The following SLC35F1 variants were observed in gnomAD, a reference collection of about 807,000 sequenced individuals.
SLC35F1 encodes solute carrier family 35 member F1.
A neutral mutation model predicts 48.7 loss-of-function variants in SLC35F1; 14 were observed. The observed-to-expected ratio is 0.29, with a 90% CI of 0.19 to 0.45. SLC35F1 has a LOEUF of 0.45. Among genes scored for constraint, SLC35F1 ranks in the 20% least tolerant of loss-of-function variants. The pLI is 1.00. For synonymous variants in SLC35F1, 190 were observed against 202.2 expected, an observed-to-expected ratio of 0.94 and a Z score of 0.51; for missense variants, 404 against 500.0, an observed-to-expected ratio of 0.81 and a Z score of 1.83.
intron 1 of SLC35F1, among the ~76,000 whole-genome samples, chr6:117,923,763 G>GTACATATATA (rs1775969946): frequency 0.25 from 4,411 of 17,958 alleles, 1,308 homozygotes; most frequent in African/African-American, 0.43. Flanking sequence ...ATATACATAT[G>GTACATATATA]CACATACATA....
intron 4 of SLC35F1, among the ~76,000 whole-genome samples, chr6:118,274,909 T>G (rs563512398): frequency 6.6e-6 from 1 of 152,336 alleles, no homozygotes; most frequent in South Asian, 2.1e-4. Flanking sequence ...CCTCCCTGAA[T>G]AGCAGAGGGT....
intron 1 of SLC35F1, among the ~76,000 whole-genome samples, chr6:118,072,560 C>G (rs1012716631): frequency 3.3e-5 from 5 of 151,516 alleles, no homozygotes; most frequent in Admixed American, 3.3e-4. Context: ...TGAGATTCTG[C>G]CTCAAAAAAA....
intron 1 of SLC35F1, among the ~76,000 whole-genome samples, chr6:118,066,495 A>C (rs2114285115): frequency 6.6e-6 from 1 of 152,284 alleles, no homozygotes; most frequent in Admixed American, 6.5e-5. Context: ...ATCCTTCCCT[A>C]GTTGAGCCTC....
intron 1 of SLC35F1, among the ~76,000 whole-genome samples, chr6:117,918,897 A>C (rs1775861484): frequency 6.6e-6 from 1 of 151,878 alleles, no homozygotes; most frequent in Non-Finnish European, 1.5e-5. Flanking sequence ...ATAATTTTAA[A>C]ATAATTTTTT....
chr6:118,084,525 T>A (rs1772956723), intron 1 of SLC35F1, among the ~76,000 whole-genome samples: 1 of 152,166 alleles, frequency 6.6e-6, no homozygotes, highest in Non-Finnish European at 1.5e-5. Context: ...ATTATTTGCC[T>A]ACAAATGCTT....
chr6:118,087,725 T>C (rs1412365617), intron 1 of SLC35F1, among the ~76,000 whole-genome samples: 1 of 152,112 alleles, frequency 6.6e-6, no homozygotes, highest in Non-Finnish European at 1.5e-5. Context: ...AAAGCTCAAC[T>C]CAGATACCAC....
At chr6:118,086,728 C>T (rs1772996591) in intron 1 of SLC35F1, among the ~76,000 whole-genome samples, 1 of 152,200 alleles carries the variant, frequency 6.6e-6, no homozygotes, top group African/African-American at 2.4e-5. Flanking sequence ...TTTCCTCTTA[C>T]TGAGGTTTCT....
intron 2 of SLC35F1, among the ~76,000 whole-genome samples, chr6:118,175,824 A>T (rs1170832081): frequency 1.3e-5 from 2 of 152,134 alleles, no homozygotes. Context: ...CTTCTGCTCC[A>T]CTTGAGAAAG....
chr6:118,294,067 AGGTG>A (rs536094355), intron 7 of SLC35F1, among the ~76,000 whole-genome samples: 720 of 152,334 alleles, frequency 4.7e-3, no homozygotes, highest in Non-Finnish European at 7.4e-3. Context: ...AATGTATAAA[AGGTG>A]ACCAGCAGTG....
chr6:118,277,659 C>A (rs1056104913), intron 6 of SLC35F1, 113 bp downstream of exon 6: 2 of 883,024 alleles, frequency 2.3e-6, no homozygotes, highest in Non-Finnish European at 3.8e-6. Context: ...TGGTAGGGGA[C>A]AAGGGAAAAT....
chr6:118,126,853 G>C (rs1244514888), intron 1 of SLC35F1, among the ~76,000 whole-genome samples: 1 of 151,844 alleles, frequency 6.6e-6, no homozygotes, highest in South Asian at 2.1e-4. Flanking sequence ...CTTTGCTGAA[G>C]TTGATTATCA....
At chr6:118,052,642 G>C (rs755592940) in intron 1 of SLC35F1, among the ~76,000 whole-genome samples, 4 of 151,944 alleles carry the variant, frequency 2.6e-5, no homozygotes, top group Admixed American at 1.3e-4. Flanking sequence ...AAAGTTTAAG[G>C]AAAAAGTGTG....
intron 2 of SLC35F1, among the ~76,000 whole-genome samples, chr6:118,156,776 A>C (rs1774150864): frequency 1.3e-5 from 2 of 152,136 alleles, no homozygotes; most frequent in Admixed American, 1.3e-4. Flanking sequence ...TGGATTTAAA[A>C]ATTTTCTGAA....
At chr6:118,273,833 C>T (rs1275463394) in intron 4 of SLC35F1, among the ~76,000 whole-genome samples, 8 of 152,322 alleles carry the variant, frequency 5.3e-5, no homozygotes, top group South Asian at 2.1e-4. Flanking sequence ...CCATTCTCAG[C>T]TCCATTCCCT....
chr6:118,069,242 G>T (rs1035003486), intron 1 of SLC35F1, among the ~76,000 whole-genome samples: 26 of 152,088 alleles, frequency 1.7e-4, no homozygotes, highest in African/African-American at 6.3e-4. Flanking sequence ...TTGTCAAATT[G>T]TTTTTGACAA....
intron 1 of SLC35F1, among the ~76,000 whole-genome samples, chr6:118,130,589 G>T (rs1050925399): frequency 6.6e-6 from 1 of 152,034 alleles, no homozygotes; most frequent in African/African-American, 2.4e-5. Flanking sequence ...TAGTTTTTTG[G>T]GTAGAATTCA....
At chr6:118,083,770 A>G (rs981775296) in intron 1 of SLC35F1, among the ~76,000 whole-genome samples, 13 of 152,236 alleles carry the variant, frequency 8.5e-5, no homozygotes, top group Non-Finnish European at 1.8e-4. Flanking sequence ...TTTGCCCTTT[A>G]GCTATCAGTA....
rs193298555 is a variant in SLC35F1, at chr6:118,139,144, G to A, written c.174-15301G>A. On this transcript the variant is annotated intron_variant, in intron 1 of 7. Transcript: ENST00000360388. ...TTTTTGTTTTTTGAGACGGAGTCTC[G>A]CTCTAGTGCCCAGGCTGGAGCGCAG... Among the ~76,000 whole-genome samples, 3 of 152,168 alleles carry A rather than the reference G, an allele frequency of 2.0e-5. No homozygotes were observed. In the East Asian group the frequency reaches 5.8e-4, roughly 29 times the overall value.
chr6:117,945,177 T>C (rs1280963876), intron 1 of SLC35F1, among the ~76,000 whole-genome samples: 1 of 152,204 alleles, frequency 6.6e-6, no homozygotes, highest in Non-Finnish European at 1.5e-5. Flanking sequence ...GGGCCAGTGC[T>C]GTCCCCATCC....
Sources: gnomAD v4.1 joint callset for allele counts (sites outside exome capture counted in the v4.1 genomes callset) on GRCh38, gnomAD v4.1.1 for gene constraint, MANE v1.5 for transcripts, NCBI Gene and HGNC (gene_info 2026-07-23, HGNC 2026-07-21) for gene names.